The following ME3 variants were observed in gnomAD, a reference collection of about 807,000 sequenced individuals.
ME3 encodes the protein malic enzyme 3.
A neutral mutation model predicts 68.9 loss-of-function variants in ME3; 48 were observed. The observed-to-expected ratio is 0.70, with a 90% confidence interval of 0.55 to 0.89. The LOEUF is 0.89. Among genes scored for constraint, ME3 ranks in the 40% least tolerant of loss-of-function variants. ME3 has a pLI of 0.00. For synonymous variants in ME3, 320 were observed against 318.8 expected, an observed-to-expected ratio of 1.00 and a Z score of -0.04; for missense variants, 675 against 797.4, an observed-to-expected ratio of 0.85 and a Z score of 1.85.
intron 2 of ME3, among the ~76,000 whole-genome samples, chr11:86,576,329 C>T (rs564772918): frequency 1.3e-5 from 2 of 152,262 alleles, no homozygotes; most frequent in South Asian, 4.2e-4. Context: ...TAGTAACAGG[C>T]ACTGCCGCCT....
intron 2 of ME3, among the ~76,000 whole-genome samples, chr11:86,565,086 A>G (rs1277170991): frequency 1.3e-5 from 2 of 152,210 alleles, no homozygotes; most frequent in African/African-American, 4.8e-5. Flanking sequence ...TAGCACATGG[A>G]AAGACACTGA....
intron 2 of ME3, among the ~76,000 whole-genome samples, chr11:86,653,331 C>G (rs1442683655): frequency 6.6e-6 from 1 of 152,164 alleles, no homozygotes; most frequent in African/African-American, 2.4e-5. Flanking sequence ...CCAAAATTGA[C>G]CACATAGTTG....
intron 2 of ME3, among the ~76,000 whole-genome samples, chr11:86,636,845 G>T (rs1423252315): frequency 6.6e-6 from 1 of 152,198 alleles, no homozygotes; most frequent in African/African-American, 2.4e-5. Flanking sequence ...TCCTAAGAAG[G>T]TTAGTTTCTG....
intron 7 of ME3, among the ~76,000 whole-genome samples, chr11:86,472,898 A>T (rs1225395908): frequency 6.6e-6 from 1 of 152,240 alleles, no homozygotes; most frequent in East Asian, 1.9e-4. Context: ...ATGGGGAAAG[A>T]AAGGCAAACT....
At chr11:86,559,712 G>C (rs377467432) in exon 3 of ME3, 20 of 1,613,586 alleles carry the variant, frequency 1.2e-5, no homozygotes, top group Admixed American at 3.3e-5. Flanking sequence ...CTCTGCTGCC[G>C]CTCGTAATAT....
At chr11:86,655,798 A>G (rs542301658) in intron 2 of ME3, among the ~76,000 whole-genome samples, 1 of 152,020 alleles carries the variant, frequency 6.6e-6, no homozygotes, top group South Asian at 2.1e-4. Context: ...AACTACCATC[A>G]GAGTGAACAG....
chr11:86,530,562 CA>C (rs1955134265), intron 4 of ME3, among the ~76,000 whole-genome samples: 1 of 152,164 alleles, frequency 6.6e-6, no homozygotes, highest in African/African-American at 2.4e-5. Flanking sequence ...GCCAAAAGAA[CA>C]AAGCTGGAGG....
chr11:86,471,656 A>G (rs1251705364), intron 7 of ME3, among the ~76,000 whole-genome samples: 1 of 152,246 alleles, frequency 6.6e-6, no homozygotes, highest in Non-Finnish European at 1.5e-5. Context: ...ATGATGTAAT[A>G]AAAATTCAAT....
intron 2 of ME3, among the ~76,000 whole-genome samples, chr11:86,654,935 C>T (rs1288997568): frequency 6.6e-6 from 1 of 152,186 alleles, no homozygotes; most frequent in East Asian, 1.9e-4. Context: ...AAATCACAAG[C>T]AGTCTTATAC....
At chr11:86,547,867 G>A (rs1340287350) in intron 4 of ME3, among the ~76,000 whole-genome samples, 1 of 152,168 alleles carries the variant, frequency 6.6e-6, no homozygotes, top group African/African-American at 2.4e-5. Context: ...GTGATTGCCA[G>A]GGACAAAGGA....
intron 2 of ME3, among the ~76,000 whole-genome samples, chr11:86,607,414 T>A (rs1435144827): frequency 1.3e-5 from 2 of 151,498 alleles, no homozygotes; most frequent in Non-Finnish European, 2.9e-5. Flanking sequence ...CCTCTCTGAT[T>A]CATAGCCCCA....
intron 2 of ME3, among the ~76,000 whole-genome samples, chr11:86,641,036 T>TGG (rs34557683): frequency 0.027 from 3,824 of 139,684 alleles, 71 homozygotes; most frequent in Middle Eastern, 0.041. Flanking sequence ...TCAATTTCAC[T>TGG]GGGGGGGGGG....
At chr11:86,562,016 A>G (rs1957261468) in intron 2 of ME3, among the ~76,000 whole-genome samples, 1 of 152,212 alleles carries the variant, frequency 6.6e-6, no homozygotes, top group Non-Finnish European at 1.5e-5. Context: ...CTACCATGAC[A>G]GTATCATACA....
Position 86,560,746 on chromosome 11 carries a change from G to GTA in ME3, c.184-924_184-923insTA, listed in dbSNP as rs1456434091. ...TGTGTATGTGTGTGTGTGTGTGTGT[G>GTA]TGTATATATATATATATATATATAT... On this transcript the variant is annotated intron_variant, in intron 2 of 14. Transcript: ENST00000543262. Among the ~76,000 whole-genome samples the GTA allele has an allele frequency of 7.1e-4, 64 of 90,272 alleles. 1 individual carries two copies. Among genetic ancestry groups the GTA allele is most frequent in the East Asian group, 1.4e-3 (3 of 2,122 alleles). 59.2% of individuals were successfully genotyped at this position (90,272 alleles called of 152,430 possible). A position where few individuals can be genotyped will look rare whatever the true frequency, so the allele number is the denominator to read the frequency against.
At chr11:86,445,555 G>A (rs1002801447) in intron 13 of ME3, among the ~76,000 whole-genome samples, 1 of 152,222 alleles carries the variant, frequency 6.6e-6, no homozygotes, top group African/African-American at 2.4e-5. Flanking sequence ...ATATGGCTTT[G>A]ATTAGCTTAA....
intron 2 of ME3, among the ~76,000 whole-genome samples, chr11:86,612,319 C>T (rs1942641898): frequency 6.6e-6 from 1 of 152,086 alleles, no homozygotes; most frequent in African/African-American, 2.4e-5. Flanking sequence ...TCATTGATGA[C>T]CATTTGGGTT....
chr11:86,660,647 G>A (rs1428831439), intron 2 of ME3, among the ~76,000 whole-genome samples: 2 of 151,994 alleles, frequency 1.3e-5, no homozygotes, highest in Non-Finnish European at 2.9e-5. Flanking sequence ...GCCCCTTGAG[G>A]GTGTCACACA....
At chr11:86,535,950 G>A (rs1565917636) in intron 4 of ME3, among the ~76,000 whole-genome samples, 2 of 152,082 alleles carry the variant, frequency 1.3e-5, no homozygotes, top group South Asian at 4.1e-4. Context: ...CTAGCTGCTG[G>A]GTATAAAATG....
intron 7 of ME3, among the ~76,000 whole-genome samples, chr11:86,469,463 A>G (rs1208935057): frequency 4.0e-5 from 6 of 151,750 alleles, no homozygotes; most frequent in African/African-American, 1.5e-4. Context: ...CAGAGGCAGG[A>G]CCCCTCCCAA....
Sources: allele counts gnomAD v4.1 joint callset (sites outside exome capture counted in the v4.1 genomes callset), GRCh38; gene constraint gnomAD v4.1.1; transcripts MANE v1.5; gene names NCBI Gene and HGNC (gene_info 2026-07-23, HGNC 2026-07-21).